KANK1: variants seen among roughly 807,000 people sequenced by gnomAD.
KANK1 encodes KN motif and ankyrin repeat domains 1.
KANK1 carries 109 observed loss-of-function variants against 106.2 expected under a neutral mutation model. The ratio of observed to expected loss-of-function variants is 1.03; its 90% confidence interval spans 0.88 to 1.20. The LOEUF (loss-of-function observed/expected upper bound fraction) is 1.20. KANK1 is among the 50% of genes most tolerant of loss of function. KANK1 has a pLI of 0.00. For synonymous variants in KANK1, 873 were observed against 652.2 expected, an observed-to-expected ratio of 1.34 and a Z score of -5.16; for missense variants, 2,399 against 1,710.7, an observed-to-expected ratio of 1.40 and a Z score of -7.10.
intron 1 of KANK1, among the ~76,000 whole-genome samples, chr9:633,022 C>T (rs936380055): frequency 7.2e-5 from 11 of 151,824 alleles, no homozygotes; most frequent in East Asian, 3.9e-4. Context: ...CAAAGCAAAA[C>T]GGCAGAGGTA....
intron 2 of KANK1, among the ~76,000 whole-genome samples, chr9:682,632 G>T (rs1172949599): frequency 6.6e-6 from 1 of 152,118 alleles, no homozygotes; most frequent in Non-Finnish European, 1.5e-5. Flanking sequence ...AGATGATGTT[G>T]CAGAGAACAT....
intron 1 of KANK1, among the ~76,000 whole-genome samples, chr9:630,491 C>T (rs1054287337): frequency 2.4e-4 from 37 of 151,596 alleles, no homozygotes; most frequent in African/African-American, 8.7e-4. Context: ...GCGGAGCTTG[C>T]AGTGAGCTGA....
In KANK1 at chr9:602,741, C is replaced by G. The variant is rs559331320; in HGVS notation, c.-83-74149C>G. Among the ~76,000 whole-genome samples the G allele has an allele frequency of 1.2e-4, 18 of 151,940 alleles. 1 individual carries two copies. Among genetic ancestry groups the G allele is most frequent in the African/African-American group, 4.4e-4 (18 of 41,246 alleles). On this transcript the variant is annotated intron_variant, in intron 1 of 11. Transcript: ENST00000382297. ...AGTCTTTACGGTCAGAGGACATTGA[C>G]AAAATATTTTAGATTGAAAGCCTGT...
intron 3 of KANK1, among the ~76,000 whole-genome samples, chr9:494,324 A>G (rs1054787080): frequency 6.6e-6 from 1 of 152,210 alleles, no homozygotes; most frequent in Non-Finnish European, 1.5e-5. Flanking sequence ...TTATCAGTGT[A>G]TACATCCTAC....
intron 1 of KANK1, among the ~76,000 whole-genome samples, chr9:559,401 TA>T (rs3832615): frequency 0.05 from 7,463 of 148,836 alleles, 431 homozygotes; most frequent in East Asian, 0.29. Flanking sequence ...TTGGAGAGGT[TA>T]AAAAAAAAAA....
In KANK1 at chr9:713,397, G is replaced by T. The variant is rs1014868984; in HGVS notation, c.2631G>T (p.Met877Ile). 133 of 1,613,528 alleles carry T rather than the reference G, an allele frequency of 8.2e-5. 1 individual carries two copies. The highest frequency in any genetic ancestry group is 1.1e-4 in the Non-Finnish European group (130 of 1,179,890). The change falls in exon 3 of 12, where the codon ATG (methionine) becomes ATT (isoleucine). Residue 877 changes from methionine (M) to isoleucine (I), a missense_variant. Coordinates refer to ENST00000382297, the MANE Select transcript of KANK1 (RefSeq NM_015158.5). The part of the protein sequence containing the change: ...ISTLSSINSV[M>I]KSASTEELRN... Reference sequence around the variant, plus strand: ...CCCTGTCGTCTATCAACTCTGTCATGAAATCTGCAAGCACTGAAGAGCTGA... The same window carrying T: ...CCCTGTCGTCTATCAACTCTGTCATTAAATCTGCAAGCACTGAAGAGCTGA...
intron 1 of KANK1, among the ~76,000 whole-genome samples, chr9:613,482 C>G (rs955616842): frequency 6.6e-6 from 1 of 151,846 alleles, no homozygotes; most frequent in African/African-American, 2.4e-5. Flanking sequence ...AGCTCATAAG[C>G]TATCATTAGT....
intron 1 of KANK1, among the ~76,000 whole-genome samples, chr9:532,902 T>C (rs1347186213): frequency 6.6e-6 from 1 of 152,140 alleles, no homozygotes; most frequent in Non-Finnish European, 1.5e-5. Context: ...ATAAACCTTG[T>C]GTACACAGCT....
chr9:606,666 A>G (rs914391591), intron 1 of KANK1, among the ~76,000 whole-genome samples: 4 of 150,738 alleles, frequency 2.7e-5, no homozygotes, highest in African/African-American at 9.8e-5. Flanking sequence ...TTTAGAAAAT[A>G]AAAGATGCAG....
At chr9:553,068 C>T (rs571409313) in intron 1 of KANK1, among the ~76,000 whole-genome samples, 1 of 152,190 alleles carries the variant, frequency 6.6e-6, no homozygotes, top group South Asian at 2.1e-4. Context: ...ATCGCTTGAG[C>T]CTAGGAGGTT....
intron 3 of KANK1, among the ~76,000 whole-genome samples, chr9:498,338 A>G (rs2058489771): frequency 6.6e-6 from 1 of 152,214 alleles, no homozygotes; most frequent in African/African-American, 2.4e-5. Flanking sequence ...CAAAGCTTGT[A>G]TAACGCGTGG....
At chr9:732,189 CAGTTTA>C (rs1268867248) in intron 5 of KANK1, 183 bp from the exon 6 acceptor site, 1 of 578,936 alleles carries the variant, frequency 1.7e-6, no homozygotes, top group Non-Finnish European at 3.0e-6. Context: ...TACCGATAAC[CAGTTTA>C]AGTTAGAGTC....
chr9:726,983 T>C (rs1219243096), intron 3 of KANK1, among the ~76,000 whole-genome samples: 3 of 152,186 alleles, frequency 2.0e-5, no homozygotes, highest in Non-Finnish European at 4.4e-5. Flanking sequence ...TAAAAAATTA[T>C]TTACCAAAGT....
Position 742,375 on chromosome 9 carries a change from G to A in KANK1, c.3867G>A (p.Gln1289=). Residue 1289 remains glutamine (Q), a synonymous_variant, in exon 10 of 12, where the codon CAG becomes CAA. Coordinates refer to ENST00000382297, the MANE Select transcript of KANK1 (RefSeq NM_015158.5). ...AGATTGTCAAGCTGCTGCTGGCCCA[G>A]CCCGGCTGCAACGGTCACCTAGAGG... ...HVEIVKLLLA[Q]PGCNGHLEDN... is the part of the protein sequence containing the mutation. 1 of 1,613,952 alleles carries A rather than the reference G, an allele frequency of 6.2e-7. No homozygotes were observed. The highest frequency in any genetic ancestry group is 8.5e-7 in the Non-Finnish European group (1 of 1,179,930).
chr9:698,218 C>G (rs1208692182), intron 2 of KANK1, among the ~76,000 whole-genome samples: 1 of 152,158 alleles, frequency 6.6e-6, no homozygotes, highest in African/African-American at 2.4e-5. Context: ...CTGTCAGGGT[C>G]GGTGTTGTCT....
chr9:578,702 A>C (rs1024384020), intron 1 of KANK1, among the ~76,000 whole-genome samples: 1 of 152,170 alleles, frequency 6.6e-6, no homozygotes. Flanking sequence ...AACCATTACT[A>C]AGTTGGACTC....
At chr9:698,496 A>T (rs1477885941) in intron 2 of KANK1, among the ~76,000 whole-genome samples, 1 of 152,152 alleles carries the variant, frequency 6.6e-6, no homozygotes, top group Admixed American at 6.5e-5. Flanking sequence ...CTTTTTTAAT[A>T]GCAGAATGAG....
chr9:739,008 A>ATTCT (rs1468758938), intron 8 of KANK1, among the ~76,000 whole-genome samples: 1 of 152,226 alleles, frequency 6.6e-6, no homozygotes, highest in East Asian at 1.9e-4. Flanking sequence ...AATGATCACC[A>ATTCT]TTCTCACCAA....
At chr9:641,214 A>C (rs1838356017) in intron 1 of KANK1, among the ~76,000 whole-genome samples, 1 of 152,232 alleles carries the variant, frequency 6.6e-6, no homozygotes. Flanking sequence ...CTCCCATGGA[A>C]CTGATAATTA....
Sources: gnomAD v4.1 joint callset for allele counts (sites outside exome capture counted in the v4.1 genomes callset) on GRCh38, gnomAD v4.1.1 for gene constraint, MANE v1.5 for transcripts, NCBI Gene and HGNC (gene_info 2026-07-23, HGNC 2026-07-21) for gene names.